FANCC: variants seen among roughly 807,000 people sequenced by gnomAD.
FANCC encodes FA complementation group C, also known as Fanconi anemia group C protein.
A neutral mutation model predicts 71.3 loss-of-function variants in FANCC; 55 were observed. The observed-to-expected ratio is 0.77, with a 90% CI of 0.62 to 0.97. The LOEUF (loss-of-function observed/expected upper bound fraction) is 0.97, where lower values mean the gene tolerates loss of function less well. Ranked by LOEUF, FANCC falls within the 50% of genes least tolerant of loss-of-function variation. FANCC has a pLI of 0.00. For missense variants in FANCC, 678 were observed against 670.9 expected (o/e 1.01, Z -0.12); for synonymous variants, 275 against 244.9 (o/e 1.12, Z -1.15).
chr9:95,264,406 C>T (rs963236432), intron 1 of FANCC, among the ~76,000 whole-genome samples: 47 of 152,144 alleles, frequency 3.1e-4, no homozygotes, highest in African/African-American at 1.1e-3. Flanking sequence ...ACCCCTGTAG[C>T]TCCAAGATTG....
chr9:95,110,975 A>AGAT (rs1464522170), intron 13 of FANCC: 1 of 1,412,070 alleles, frequency 7.1e-7, no homozygotes, highest in African/African-American at 1.4e-5. Context: ...CTTTAGTAAG[A>AGAT]GATGTAAATA....
chr9:95,284,374 C>T (rs1056451118), intron 1 of FANCC, among the ~76,000 whole-genome samples: 5 of 152,126 alleles, frequency 3.3e-5, no homozygotes, highest in African/African-American at 4.8e-5. Context: ...ACAGTTTGGT[C>T]GGCTGTCAAG....
rs4647363 is a variant in FANCC at position 95,306,789 on chromosome 9, G to A, written c.-79+10737C>T. 6.1e-3 allele frequency among the ~76,000 whole-genome samples: 924 copies of A among 152,040 alleles called. 4 individuals are homozygous for A. Among genetic ancestry groups the A allele is most frequent in the Middle Eastern group, 0.024 (7 of 294 alleles). On this transcript the variant is annotated intron_variant, in intron 1 of 14. Transcript: ENST00000289081. ...GTTCATCAGTAGCTATCCTCCTTTG[G>A]GCAATCTCTTGGGAATTCCTTAATT... is the stretch of plus-strand genomic sequence containing the variant.
chr9:95,214,425 T>G (rs78968341), intron 4 of FANCC, among the ~76,000 whole-genome samples: 36 of 152,060 alleles, frequency 2.4e-4, no homozygotes, highest in Non-Finnish European at 4.7e-4. Flanking sequence ...CAGCAAGACC[T>G]TGTCTCTAAA....
chr9:95,263,267 C>T (rs1588380797), intron 1 of FANCC, among the ~76,000 whole-genome samples: 1 of 152,066 alleles, frequency 6.6e-6, no homozygotes, highest in South Asian at 2.1e-4. Flanking sequence ...TAGTTGCCCA[C>T]CCAGCAGCCC....
At chr9:95,190,690 C>T (rs7034538) in intron 4 of FANCC, among the ~76,000 whole-genome samples, 1 of 152,018 alleles carries the variant, frequency 6.6e-6, no homozygotes, top group Admixed American at 6.5e-5. Context: ...GTGGGTGAGA[C>T]CAGAGCAGGT....
chr9:95,252,043 C>T (rs929678812), intron 1 of FANCC, among the ~76,000 whole-genome samples: 1 of 151,570 alleles, frequency 6.6e-6, no homozygotes, highest in Non-Finnish European at 1.5e-5. Context: ...TTTGGGAGGC[C>T]GAGGTGGATA....
chr9:95,240,763 A>G lies in FANCC; in HGVS notation c.251-20T>C, dbSNP rs370867462. On this transcript the variant is annotated intron_variant, in intron 3 of 14. Transcript: ENST00000289081. The stretch of plus-strand genomic sequence containing the variant: ...TTTCATCTACAAAAAGGAAAACTTA[A>G]TAAGTTTTATCAAGCAGAAAAAATC... The G allele has an allele frequency of 1.0e-4, 147 of 1,402,446 alleles. No homozygotes were observed. Among genetic ancestry groups the G allele is most frequent in the Non-Finnish European group, 1.3e-4 (127 of 988,472 alleles). The allele number at this position is 1,402,446 out of a possible 1,614,324, so 86.9% of individuals were successfully genotyped here.
intron 4 of FANCC, among the ~76,000 whole-genome samples, chr9:95,203,687 C>T (rs1443561565): frequency 6.6e-6 from 1 of 152,090 alleles, no homozygotes; most frequent in Non-Finnish European, 1.5e-5. Flanking sequence ...GATAATAACC[C>T]TTTACATGTT....
chr9:95,168,655 C>T (rs12057018), intron 6 of FANCC, among the ~76,000 whole-genome samples: 12 of 152,198 alleles, frequency 7.9e-5, no homozygotes, highest in African/African-American at 2.2e-4. Context: ...CTCAGCCTCC[C>T]GAGTAGCTGG....
At chr9:95,159,802 C>T (rs1588200997) in intron 6 of FANCC, among the ~76,000 whole-genome samples, 1 of 152,164 alleles carries the variant, frequency 6.6e-6, no homozygotes, top group East Asian at 1.9e-4. Flanking sequence ...AGCATTTTTC[C>T]ATGTGTCTGT....
chr9:95,196,441 T>C (rs1827462297), intron 4 of FANCC, among the ~76,000 whole-genome samples: 1 of 152,186 alleles, frequency 6.6e-6, no homozygotes, highest in African/African-American at 2.4e-5. Context: ...TTAACGCTAA[T>C]ATCTGGAGCC....
rs527341457 is a variant in FANCC at position 95,309,654 on chromosome 9, A to G, written c.-79+7872T>C. Among the ~76,000 whole-genome samples the G allele has an allele frequency of 1.7e-4, 26 of 152,298 alleles. No homozygotes were observed. In the East Asian group the frequency reaches 3.1e-3, roughly 18 times the overall value. On this transcript the variant is annotated intron_variant, in intron 1 of 14. Transcript: ENST00000289081. The stretch of plus-strand genomic sequence containing the variant: ...AAGAATTACAAAATTATACTATATC[A>G]CCTAGGATGCCTTTGGTTTCCAGTA...
At chr9:95,189,387 C>T (rs777050917) in intron 4 of FANCC, among the ~76,000 whole-genome samples, 1 of 152,114 alleles carries the variant, frequency 6.6e-6, no homozygotes, top group African/African-American at 2.4e-5. Context: ...TCCCAGCGCC[C>T]GTTGTTTACA....
At chr9:95,224,764 C>G (rs907376735) in intron 4 of FANCC, among the ~76,000 whole-genome samples, 1 of 152,116 alleles carries the variant, frequency 6.6e-6, no homozygotes, top group African/African-American at 2.4e-5. Context: ...AAAGATCTCA[C>G]TGGCAGAGCC....
At chr9:95,281,676 A>AT (rs994091310) in intron 1 of FANCC, among the ~76,000 whole-genome samples, 44 of 152,200 alleles carry the variant, frequency 2.9e-4, no homozygotes, top group African/African-American at 1.0e-3. Flanking sequence ...TACATCATAT[A>AT]TTTTTTTAAG....
intron 4 of FANCC, among the ~76,000 whole-genome samples, chr9:95,221,641 G>A (rs1431763152): frequency 1.3e-5 from 2 of 152,092 alleles, no homozygotes; most frequent in Non-Finnish European, 2.9e-5. Flanking sequence ...TTTGACAAAG[G>A]AACAGTATCT....
chr9:95,149,635 T>C (rs572666352), intron 7 of FANCC, among the ~76,000 whole-genome samples: 3 of 152,130 alleles, frequency 2.0e-5, no homozygotes, highest in South Asian at 2.1e-4. Flanking sequence ...CACACCACCA[T>C]GCTTGACTAA....
At chr9:95,182,957 C>T (rs983352038) in intron 4 of FANCC, among the ~76,000 whole-genome samples, 5 of 151,982 alleles carry the variant, frequency 3.3e-5, no homozygotes, top group African/African-American at 9.7e-5. Context: ...CTAAGGCTCC[C>T]GGCCCCTACT....
Sources: allele counts gnomAD v4.1 joint callset (sites outside exome capture counted in the v4.1 genomes callset), GRCh38; gene constraint gnomAD v4.1.1; transcripts MANE v1.5; gene names NCBI Gene and HGNC (gene_info 2026-07-23, HGNC 2026-07-21).